The following MEIOB variants were observed in gnomAD, a reference collection of about 807,000 sequenced individuals.
The protein encoded by MEIOB is meiosis-specific with OB domain-containing protein.
Under a neutral mutation model 53.1 loss-of-function variants are expected in MEIOB, and 50 were observed. That is an observed-to-expected ratio of 0.94 (90% CI 0.75 to 1.19). MEIOB has a LOEUF of 1.19. Ranked by LOEUF, MEIOB falls within the 50% of genes most tolerant of loss-of-function variation. The probability of loss-of-function intolerance (pLI) is 0.00; values close to 1 mark genes in which losing one functional copy is unlikely to be tolerated. For synonymous variants in MEIOB, 192 were observed against 182.5 expected (o/e 1.05, Z -0.42); for missense variants, 551 against 550.8 (o/e 1.00, Z 0.00).
Position 1,834,361 on chromosome 16 carries a change from A to C in MEIOB, c.1311T>G (p.Val437=), listed in dbSNP as rs1219655674. 6.4e-7 allele frequency: 1 copy of C among 1,570,778 alleles called. No individual in the cohort carries two copies. Among genetic ancestry groups the C allele is most frequent in the Admixed American group, 1.7e-5 (1 of 58,290 alleles). Residue 437 remains valine (V), a synonymous_variant, in exon 14 of 14, where the codon GTT becomes GTG. Coordinates refer to ENST00000325962, the MANE Select transcript of MEIOB (RefSeq NM_001163560.3). Reference sequence around the variant, plus strand: ...ATCCACTCCTTGCTCTGTGTGATAGAACGAACTGCGAGGAGAAACAGAAAA... The same window carrying C: ...ATCCACTCCTTGCTCTGTGTGATAGCACGAACTGCGAGGAGAAACAGAAAA... ...LERSKIYLKF[V]LSHRARSGLK...
chr16:1,861,114 G>C (rs776960629), intron 4 of MEIOB, among the ~76,000 whole-genome samples: 3 of 152,118 alleles, frequency 2.0e-5, no homozygotes, highest in Non-Finnish European at 2.9e-5. Context: ...ACAAGATTAA[G>C]AAATTTTCTC....
At chr16:1,847,672 A>C (rs2142084617) in intron 9 of MEIOB, among the ~76,000 whole-genome samples, 1 of 152,230 alleles carries the variant, frequency 6.6e-6, no homozygotes, top group African/African-American at 2.4e-5. Flanking sequence ...CTACTTTGTG[A>C]TTACTTTAAT....
chr16:1,856,122 G>A (rs1445956305), intron 6 of MEIOB, among the ~76,000 whole-genome samples: 1 of 150,920 alleles, frequency 6.6e-6, no homozygotes, highest in Non-Finnish European at 1.5e-5. Context: ...AGCCTCCTGA[G>A]TAGCTGGGAC....
intron 7 of MEIOB, among the ~76,000 whole-genome samples, 190 bp from the exon 8 acceptor site, chr16:1,853,461 A>G (rs1178570803): frequency 2.0e-5 from 3 of 152,220 alleles, no homozygotes; most frequent in Non-Finnish European, 4.4e-5. Context: ...ATGAGAGAAC[A>G]TTCCTTCAAC....
intron 6 of MEIOB, 123 bp from the exon 7 acceptor site, chr16:1,854,323 A>C: frequency 1.6e-6 from 1 of 607,524 alleles, no homozygotes; most frequent in Non-Finnish European, 2.9e-6. Context: ...ACTAGCAAGA[A>C]CCAGTAATAT....
At chr16:1,848,360 A>C (rs1431413968) in intron 9 of MEIOB, among the ~76,000 whole-genome samples, 3 of 152,134 alleles carry the variant, frequency 2.0e-5, no homozygotes, top group Non-Finnish European at 4.4e-5. Context: ...CTTCAGGTGA[A>C]TTAAGCATCA....
chr16:1,852,206 C>G (rs1419783468), intron 9 of MEIOB, among the ~76,000 whole-genome samples: 2 of 150,236 alleles, frequency 1.3e-5, no homozygotes, highest in African/African-American at 4.9e-5. Flanking sequence ...ATCGATCTCT[C>G]AAAAATTATC....
intron 1 of MEIOB, among the ~76,000 whole-genome samples, chr16:1,871,519 C>CTTTTTTTTT (rs71148106): frequency 2.5e-5 from 1 of 39,816 alleles, no homozygotes; most frequent in African/African-American, 1.1e-4. Context: ...GCGCCCGGCC[C>CTTTTTTTTT]TTTTTTTTTT....
chr16:1,865,634 G>A (rs1899575029), intron 3 of MEIOB, 144 bp downstream of exon 3: 3 of 608,184 alleles, frequency 4.9e-6, no homozygotes, highest in Non-Finnish European at 2.8e-6. Flanking sequence ...CTTGAATCAG[G>A]TACTTGACCA....
Position 1,834,195 on chromosome 16 carries a change from T to C in MEIOB, c.*61A>G. The C allele has an allele frequency of 1.2e-6, 1 of 848,486 alleles. No homozygotes were observed. Among genetic ancestry groups the C allele is most frequent in the South Asian group, 1.5e-5 (1 of 65,388 alleles). The allele number at this position is 848,486 out of a possible 1,614,324, so 52.6% of individuals were successfully genotyped here. On this transcript the variant is annotated 3_prime_UTR_variant, in exon 14 of 14. Coordinates refer to ENST00000325962, the MANE Select transcript of MEIOB (RefSeq NM_001163560.3). ...TTTCCCCATAATTTTCAAATTAATA[T>C]TCCATTTTAAAGGGAGTTAAAACTC...
rs1415371937 is a variant in MEIOB at position 1,837,867 on chromosome 16, G to T, written c.1222C>A (p.His408Asn). ...VAEETLGCTV[H>N]EFLAMTDEQK... ...TCATCTGTCATTGCAAGAAACTCAT[G>T]TACCTGGTTAAAAAAAAAATATGAG... The change falls in exon 13 of 14, where the codon CAT becomes AAT. Residue 408 changes from histidine (H) to asparagine (N), a missense_variant. Coordinates refer to ENST00000325962, the MANE Select transcript of MEIOB (RefSeq NM_001163560.3). 2.7e-6 allele frequency: 4 copies of T among 1,504,954 alleles called. No homozygotes were observed. The highest frequency in any genetic ancestry group is 1.3e-5 in the South Asian group (1 of 77,152). 93.2% of individuals were successfully genotyped at this position (1,504,954 alleles called of 1,614,324 possible).
chr16:1,838,200 A>G (rs1898800925), intron 12 of MEIOB: 2 of 461,428 alleles, frequency 4.3e-6, no homozygotes, highest in South Asian at 5.5e-5. Context: ...GGGTCTCACT[A>G]TGTTGCCCAG....
intron 13 of MEIOB, among the ~76,000 whole-genome samples, chr16:1,837,281 C>G (rs75948718): frequency 6.6e-6 from 1 of 151,772 alleles, no homozygotes; most frequent in African/African-American, 2.4e-5. Context: ...CCGCAACAAC[C>G]CAAGCACTTA....
At chr16:1,863,962 C>T (rs765030576) in intron 3 of MEIOB, among the ~76,000 whole-genome samples, 10 of 152,044 alleles carry the variant, frequency 6.6e-5, no homozygotes, top group South Asian at 2.1e-4. Flanking sequence ...GAGTTCGAGA[C>T]TGGGCAACAA....
chr16:1,865,377 A>G (rs1306777290), intron 3 of MEIOB, among the ~76,000 whole-genome samples: 1 of 151,790 alleles, frequency 6.6e-6, no homozygotes, highest in Admixed American at 6.6e-5. Flanking sequence ...GGTTGCAGTG[A>G]GTCGAGATCG....
At chr16:1,864,210 ACTGT>A (rs1419290469) in intron 3 of MEIOB, among the ~76,000 whole-genome samples, 8 of 152,312 alleles carry the variant, frequency 5.3e-5, no homozygotes, top group Admixed American at 1.3e-4. Flanking sequence ...CATATTCTGA[ACTGT>A]CTATTAGTGT....
chr16:1,856,625 C>A (rs993568097), intron 6 of MEIOB, among the ~76,000 whole-genome samples: 2 of 151,480 alleles, frequency 1.3e-5, no homozygotes, highest in Non-Finnish European at 2.9e-5. Context: ...GGCCACCCAG[C>A]TAATTTTTGT....
At chr16:1,856,850 A>G (rs1567278823) in intron 6 of MEIOB, among the ~76,000 whole-genome samples, 1 of 146,118 alleles carries the variant, frequency 6.8e-6, no homozygotes. Context: ...TGCAACCTCA[A>G]CCTCCCAGGC....
At chr16:1,864,758 G>A (rs1004064781) in intron 3 of MEIOB, among the ~76,000 whole-genome samples, 9 of 152,030 alleles carry the variant, frequency 5.9e-5, no homozygotes, top group African/African-American at 2.2e-4. Context: ...AAACTGCTGG[G>A]ATTACAGGCG....
Sources: gnomAD v4.1 joint callset for allele counts (sites outside exome capture counted in the v4.1 genomes callset) on GRCh38, gnomAD v4.1.1 for gene constraint, MANE v1.5 for transcripts, NCBI Gene and HGNC (gene_info 2026-07-23, HGNC 2026-07-21) for gene names.